Variants in RAD51B observed in about 807,000 individuals in gnomAD.
The protein encoded by RAD51B is DNA repair protein RAD51 homolog 2.
A neutral mutation model predicts 42.2 loss-of-function variants in RAD51B; 38 were observed. That is an observed-to-expected ratio of 0.90 (90% CI 0.70 to 1.18). RAD51B has a LOEUF of 1.18. RAD51B is among the 50% of genes most tolerant of loss of function. The probability of loss-of-function intolerance (pLI) is 0.00; values close to 1 mark genes in which losing one functional copy is unlikely to be tolerated. For missense variants in RAD51B, 373 were observed against 400.7 expected, an observed-to-expected ratio of 0.93 and a Z score of 0.59; for synonymous variants, 154 against 145.2, an observed-to-expected ratio of 1.06 and a Z score of -0.43.
chr14:68,327,473 T>G (rs901671904), intron 8 of RAD51B, among the ~76,000 whole-genome samples: 1 of 151,974 alleles, frequency 6.6e-6, no homozygotes, highest in Middle Eastern at 3.2e-3. Flanking sequence ...TATATTACGC[T>G]TGGAGGCATC....
chr14:68,074,664 C>A (rs35517486), intron 7 of RAD51B, among the ~76,000 whole-genome samples: 2,552 of 152,214 alleles, frequency 0.017, 34 homozygotes, highest in African/African-American at 0.037. Context: ...GGCTGATGTT[C>A]CTTTAACTGC....
chr14:68,042,335 A>G, intron 7 of RAD51B, among the ~76,000 whole-genome samples: 1 of 152,134 alleles, frequency 6.6e-6, no homozygotes, highest in East Asian at 1.9e-4. Flanking sequence ...TATTTTCTTA[A>G]CTTTGAATAG....
intron 7 of RAD51B, among the ~76,000 whole-genome samples, chr14:67,985,131 A>G (rs2075161486): frequency 1.3e-5 from 2 of 152,240 alleles, no homozygotes; most frequent in Admixed American, 1.3e-4. Flanking sequence ...TATACAGAAG[A>G]GTTGCCAGTG....
intron 7 of RAD51B, among the ~76,000 whole-genome samples, chr14:68,215,311 C>T (rs1213276887): frequency 5.3e-5 from 8 of 152,082 alleles, no homozygotes; most frequent in Non-Finnish European, 1.2e-4. Context: ...TCTCTTTTCT[C>T]TTTTACCACA....
chr14:67,923,846 G>T (rs114233443), intron 7 of RAD51B, among the ~76,000 whole-genome samples: 1 of 152,152 alleles, frequency 6.6e-6, no homozygotes, highest in African/African-American at 2.4e-5. Flanking sequence ...TTGCACCAGC[G>T]TGTAAAAGTG....
At chr14:68,495,306 G>T (rs1177256296) in intron 10 of RAD51B, among the ~76,000 whole-genome samples, 1 of 152,130 alleles carries the variant, frequency 6.6e-6, no homozygotes, top group Non-Finnish European at 1.5e-5. Context: ...CATCCTGTTT[G>T]TTCAGACCCC....
At chr14:68,291,228 C>A (rs1002785518) in intron 7 of RAD51B, among the ~76,000 whole-genome samples, 1 of 151,572 alleles carries the variant, frequency 6.6e-6, no homozygotes, top group Non-Finnish European at 1.5e-5. Flanking sequence ...GATGGAATTT[C>A]GCTCTTGTTG....
At chr14:68,659,769 A>T (rs1338529899) in intron 11 of RAD51B, among the ~76,000 whole-genome samples, 1 of 152,218 alleles carries the variant, frequency 6.6e-6, no homozygotes, top group Non-Finnish European at 1.5e-5. Flanking sequence ...ATCTGGAGCC[A>T]TGCCCTGCCA....
chr14:68,228,848 C>T (rs1377804400), intron 7 of RAD51B, among the ~76,000 whole-genome samples: 4 of 152,286 alleles, frequency 2.6e-5, no homozygotes, highest in African/African-American at 9.6e-5. Context: ...GGGATTTAAT[C>T]TAAATGATTG....
chr14:68,512,344 A>G (rs1002912680), intron 10 of RAD51B, among the ~76,000 whole-genome samples: 1 of 152,206 alleles, frequency 6.6e-6, no homozygotes, highest in East Asian at 1.9e-4. Context: ...TCTGTTTCTC[A>G]TCATTCTCCT....
intron 7 of RAD51B, among the ~76,000 whole-genome samples, chr14:68,198,959 C>T (rs893629114): frequency 2.6e-5 from 4 of 152,150 alleles, no homozygotes; most frequent in Non-Finnish European, 5.9e-5. Flanking sequence ...AGCTAGTTTT[C>T]TGCCTGTTGT....
chr14:68,546,069 C>G (rs527360958), intron 10 of RAD51B, among the ~76,000 whole-genome samples: 2 of 152,344 alleles, frequency 1.3e-5, no homozygotes, highest in African/African-American at 2.4e-5. Flanking sequence ...GTATCCACCA[C>G]TGTATTCCCA....
At chr14:68,146,788 A>G (rs567072491) in intron 7 of RAD51B, among the ~76,000 whole-genome samples, 3 of 152,200 alleles carry the variant, frequency 2.0e-5, no homozygotes, top group African/African-American at 7.2e-5. Flanking sequence ...TTTTTTTTAA[A>G]TTGTTTTTTC....
At position 68,291,988 on chromosome 14, in the gene RAD51B, A is replaced by G; in HGVS notation, c.853+8A>G. ...ATTTGTCCCTGTCTGAAGGTAAGGA[A>G]TCTGTCCTGGAGAGGCTGAAACTTG... On this transcript the variant is annotated splice_region_variant and intron_variant, in intron 8 of 10. Transcript: ENST00000471583. 6.2e-7 allele frequency: 1 copy of G among 1,606,400 alleles called. No homozygotes were observed. Among genetic ancestry groups the G allele is most frequent in the East Asian group, 2.2e-5 (1 of 44,814 alleles).
At position 68,246,395 on chromosome 14, in the gene RAD51B, G is replaced by T. The variant is rs534347440; in HGVS notation, c.757-45489G>T. On this transcript the variant is annotated intron_variant, in intron 7 of 10. Transcript: ENST00000471583. ...AATCTTCCAGGCCAAAATATGCCAGGGTTTGTACAAACCAGGGAGATGGAG... is the reference window on the plus strand; with the variant it reads ...AATCTTCCAGGCCAAAATATGCCAGTGTTTGTACAAACCAGGGAGATGGAG... Among the ~76,000 whole-genome samples the T allele has an allele frequency of 9.9e-5, 15 of 152,240 alleles. No individual in the cohort carries two copies. In the South Asian group the frequency reaches 3.1e-3, roughly 32 times the overall value.
intron 7 of RAD51B, among the ~76,000 whole-genome samples, chr14:68,249,744 T>G (rs375759868): frequency 1.3e-5 from 2 of 152,214 alleles, no homozygotes; most frequent in Non-Finnish European, 2.9e-5. Context: ...TGAAAGGGCA[T>G]TGTTGAAATG....
chr14:68,313,375 T>A (rs768196412), intron 8 of RAD51B, among the ~76,000 whole-genome samples: 12 of 152,250 alleles, frequency 7.9e-5, no homozygotes, highest in African/African-American at 1.2e-4. Context: ...TCCTCTTGAT[T>A]AGCGGCTCCT....
intron 9 of RAD51B, among the ~76,000 whole-genome samples, chr14:68,413,047 G>A (rs969872766): frequency 6.6e-5 from 10 of 152,076 alleles, no homozygotes; most frequent in East Asian, 1.9e-4. Context: ...TGTTACACAC[G>A]GAATTTATGA....
At chr14:68,171,930 C>A (rs1287493761) in intron 7 of RAD51B, among the ~76,000 whole-genome samples, 2 of 152,092 alleles carry the variant, frequency 1.3e-5, no homozygotes, top group Non-Finnish European at 2.9e-5. Context: ...TGGTTTCGAA[C>A]TCCTGACCTC....
Sources: allele counts gnomAD v4.1 joint callset (sites outside exome capture counted in the v4.1 genomes callset), GRCh38; gene constraint gnomAD v4.1.1; transcripts MANE v1.5; gene names NCBI Gene and HGNC (gene_info 2026-07-23, HGNC 2026-07-21).